ANO3: variants seen among roughly 807,000 people sequenced by gnomAD.
ANO3 encodes anoctamin 3, also known as anoctamin-3.
Under a neutral mutation model 144.8 loss-of-function variants are expected in ANO3, and 99 were observed. The ratio of observed to expected loss-of-function variants is 0.68; its 90% CI spans 0.58 to 0.81. The LOEUF is 0.81. Ranked by LOEUF, ANO3 falls within the 30% of genes least tolerant of loss-of-function variation. ANO3 has a pLI of 0.00. For synonymous variants in ANO3, 414 were observed against 392.6 expected, an observed-to-expected ratio of 1.05 and a Z score of -0.64; for missense variants, 905 against 1,202.2, an observed-to-expected ratio of 0.75 and a Z score of 3.66.
At chr11:26,531,722 C>A (rs1849375995) in intron 8 of ANO3, among the ~76,000 whole-genome samples, 1 of 151,734 alleles carries the variant, frequency 6.6e-6, no homozygotes, top group South Asian at 2.1e-4. Context: ...ATTATAATTG[C>A]TTCAATTAAC....
chr11:26,350,844 A>C (rs969310242), intron 1 of ANO3, among the ~76,000 whole-genome samples: 2 of 152,128 alleles, frequency 1.3e-5, no homozygotes, highest in African/African-American at 4.8e-5. Flanking sequence ...GGTAAGTCTA[A>C]ATTTAGCCTT....
upstream of ANO3, among the ~76,000 whole-genome samples, chr11:26,305,534 GAATAGCA>G (rs1854360797): frequency 6.6e-6 from 1 of 151,492 alleles, no homozygotes; most frequent in African/African-American, 2.4e-5. Flanking sequence ...GTTTTCAGAG[GAATAGCA>G]AATTTGATAA....
At chr11:26,204,294 T>G (rs1413552496) in intron 1 of ANO3, among the ~76,000 whole-genome samples, 1 of 152,052 alleles carries the variant, frequency 6.6e-6, no homozygotes, top group African/African-American at 2.4e-5. Context: ...CTGGAGTTCA[T>G]TTACCTTTCT....
rs144640268 is a variant in ANO3 at position 26,320,556 on chromosome 11, T to A, written c.-3+10837T>A. 2.3e-4 allele frequency among the ~76,000 whole-genome samples: 35 copies of A among 152,356 alleles called. No homozygotes were observed. In the East Asian group the frequency reaches 6.4e-3, roughly 28 times the overall value. ...ACTATACTCTATTTAAAAATTTAGA[T>A]GTATATATTGTTTCCTATTGTATTT... On this transcript the variant is annotated intron_variant, in intron 1 of 26. Transcript: ENST00000525139.
intron 8 of ANO3, among the ~76,000 whole-genome samples, 190 bp downstream of exon 8, chr11:26,531,526 T>C (rs1426642547): frequency 6.6e-6 from 1 of 152,194 alleles, no homozygotes; most frequent in Non-Finnish European, 1.5e-5. Flanking sequence ...AATTTGATGA[T>C]TTAGAGACAT....
intron 1 of ANO3, among the ~76,000 whole-genome samples, chr11:26,298,491 T>G (rs937599792): frequency 6.6e-6 from 1 of 152,242 alleles, no homozygotes; most frequent in Admixed American, 6.5e-5. Context: ...ATATTTGCAA[T>G]GCCAAGCAAG....
chr11:26,368,203 CAG>C (rs1856147402), intron 1 of ANO3, among the ~76,000 whole-genome samples: 1 of 152,142 alleles, frequency 6.6e-6, no homozygotes. Flanking sequence ...GTCCTGGTGA[CAG>C]AGAATTATTG....
At chr11:26,476,526 A>G (rs76484437) in intron 4 of ANO3, among the ~76,000 whole-genome samples, 1,949 of 152,170 alleles carry the variant, frequency 0.013, 39 homozygotes, top group African/African-American at 0.044. Context: ...GAGAGGTGAG[A>G]GAGAGGTGAG....
At chr11:26,639,545 C>T (rs1349771834) in intron 21 of ANO3, among the ~76,000 whole-genome samples, 2 of 152,122 alleles carry the variant, frequency 1.3e-5, no homozygotes, top group African/African-American at 4.8e-5. Context: ...ACATGATTGA[C>T]ATTACGGATT....
intron 4 of ANO3, among the ~76,000 whole-genome samples, chr11:26,464,751 A>G (rs1390264380): frequency 1.3e-5 from 2 of 151,780 alleles, no homozygotes; most frequent in Non-Finnish European, 2.9e-5. Context: ...GCCCTACTAA[A>G]TCTACCTGAT....
At chr11:26,455,664 T>C (rs1859124332) in intron 3 of ANO3, among the ~76,000 whole-genome samples, 1 of 152,124 alleles carries the variant, frequency 6.6e-6, no homozygotes. Context: ...AATTTATAGA[T>C]TCAATGCCAT....
At chr11:26,627,814 A>AGTGTGTGTGTGTGTGTGTGT (rs72002807) in intron 18 of ANO3, among the ~76,000 whole-genome samples, 1 of 131,212 alleles carries the variant, frequency 7.6e-6, no homozygotes, top group African/African-American at 2.9e-5. Context: ...AATAGAATCT[A>AGTGTGTGTGTGTGTGTGTGT]GTGTGTGTGT....
intron 14 of ANO3, among the ~76,000 whole-genome samples, chr11:26,561,515 T>C (rs1397431505): frequency 6.6e-6 from 1 of 151,982 alleles, no homozygotes; most frequent in Non-Finnish European, 1.5e-5. Context: ...TAAAGAAGTG[T>C]AGACCATACC....
intron 1 of ANO3, among the ~76,000 whole-genome samples, chr11:26,390,471 A>G (rs1461380): frequency 0.27 from 40,389 of 151,954 alleles, 6,035 homozygotes; most frequent in African/African-American, 0.4. Context: ...TTAAAACAAC[A>G]TCTTCAATAT....
At chr11:26,539,446 A>G (rs1849591798) in intron 10 of ANO3, among the ~76,000 whole-genome samples, 1 of 152,130 alleles carries the variant, frequency 6.6e-6, no homozygotes, top group African/African-American at 2.4e-5. Context: ...AGATACCCTA[A>G]ATATTCTAAA....
At chr11:26,632,320 G>A (rs1852809725) in intron 18 of ANO3, among the ~76,000 whole-genome samples, 1 of 151,462 alleles carries the variant, frequency 6.6e-6, no homozygotes, top group Non-Finnish European at 1.5e-5. Flanking sequence ...TTCGAGACCA[G>A]TCTGGCCAAC....
intron 14 of ANO3, among the ~76,000 whole-genome samples, chr11:26,594,760 CTT>C (rs748264484): frequency 1.3e-5 from 2 of 152,102 alleles, no homozygotes; most frequent in Non-Finnish European, 2.9e-5. Context: ...ATAAATTACA[CTT>C]TTTACATAAT....
intron 1 of ANO3, among the ~76,000 whole-genome samples, chr11:26,404,943 G>GCA (rs1857241070): frequency 5.7e-5 from 8 of 139,832 alleles, no homozygotes; most frequent in Admixed American, 5.5e-4. Context: ...ATGTGTGTGT[G>GCA]TGTGTGTGTG....
chr11:26,283,594 T>C (rs1853734479), intron 1 of ANO3, among the ~76,000 whole-genome samples: 1 of 151,906 alleles, frequency 6.6e-6, no homozygotes, highest in South Asian at 2.1e-4. Context: ...AGAAAAGGAT[T>C]ATCACTTAGT....
Sources: allele counts gnomAD v4.1 joint callset (sites outside exome capture counted in the v4.1 genomes callset), GRCh38; gene constraint gnomAD v4.1.1; transcripts MANE v1.5; gene names NCBI Gene and HGNC (gene_info 2026-07-23, HGNC 2026-07-21).